LRRIQ1: variants seen among roughly 807,000 people sequenced by gnomAD.
LRRIQ1 encodes the protein leucine-rich repeat- and IQ domain-containing protein 1.
A neutral mutation model predicts 211.9 loss-of-function variants in LRRIQ1; 210 were observed. The observed-to-expected ratio is 0.99, with a 90% CI of 0.89 to 1.11. LRRIQ1 has a LOEUF of 1.11. LRRIQ1 is among the 50% of genes most tolerant of loss of function. The pLI is 0.00. For missense variants in LRRIQ1, 2,136 were observed against 1,939.5 expected, an observed-to-expected ratio of 1.10 and a Z score of -1.90; for synonymous variants, 699 against 650.1, an observed-to-expected ratio of 1.08 and a Z score of -1.14.
intron 19 of LRRIQ1, among the ~76,000 whole-genome samples, chr12:85,146,952 A>G (rs1229074232): frequency 2.0e-5 from 3 of 151,756 alleles, no homozygotes; most frequent in Non-Finnish European, 4.4e-5. Context: ...ATTTTTCCTA[A>G]TCATTGCCTA....
At chr12:85,135,286 A>T in intron 18 of LRRIQ1, among the ~76,000 whole-genome samples, 1 of 151,782 alleles carries the variant, frequency 6.6e-6, no homozygotes, top group African/African-American at 2.4e-5. Context: ...GTAAATTGAT[A>T]CTAAGATCTA....
At chr12:85,183,096 A>G (rs1218954874) in intron 24 of LRRIQ1, among the ~76,000 whole-genome samples, 3 of 152,172 alleles carry the variant, frequency 2.0e-5, no homozygotes, top group Admixed American at 1.3e-4. Flanking sequence ...TAATTTTCCA[A>G]CCTTCTGTCC....
At chr12:85,142,516 G>A (rs1889612009) in intron 19 of LRRIQ1, among the ~76,000 whole-genome samples, 1 of 151,434 alleles carries the variant, frequency 6.6e-6, no homozygotes, top group Admixed American at 6.6e-5. Flanking sequence ...ACAATCTGTT[G>A]TTAGCTATAG....
chr12:85,232,726 T>G lies in LRRIQ1; in HGVS notation c.4986T>G (p.Asp1662Glu). Residue 1662 changes from aspartate to glutamate, a missense_variant, in exon 26 of 27, where the codon GAT becomes GAG. Asp to Glu is a conservative substitution (Grantham distance 45). Transcript: ENST00000393217. Reference sequence around the variant, plus strand: ...ACTTTTTGCCTGAGTTAGATCCAGATGTACTTAATGGTGGAAGAGTTCAGC... The same window carrying G: ...ACTTTTTGCCTGAGTTAGATCCAGAGGTACTTAATGGTGGAAGAGTTCAGC... ...CNHFLPELDPDVLNGGRVQLV... is the reference protein window; with the variant it reads ...CNHFLPELDPEVLNGGRVQLV... The G allele has an allele frequency of 5.0e-6, 8 of 1,612,920 alleles. No homozygotes were observed. Among genetic ancestry groups the G allele is most frequent in the Non-Finnish European group, 6.8e-6 (8 of 1,179,310 alleles).
At chr12:85,165,477 T>C (rs915719283) in intron 24 of LRRIQ1, among the ~76,000 whole-genome samples, 19 of 145,964 alleles carry the variant, frequency 1.3e-4, no homozygotes. Flanking sequence ...CTTTTTTTTT[T>C]TTTTTTTTTT....
At chr12:85,237,638 A>G (rs1168989218) in intron 26 of LRRIQ1, among the ~76,000 whole-genome samples, 2 of 152,126 alleles carry the variant, frequency 1.3e-5, no homozygotes, top group African/African-American at 4.8e-5. Flanking sequence ...AGAACGTCCC[A>G]GACATTTAGT....
chr12:85,257,536 T>C (rs1175200163), intron 1 of LRRIQ1, among the ~76,000 whole-genome samples: 1 of 151,618 alleles, frequency 6.6e-6, no homozygotes, highest in East Asian at 1.9e-4. Context: ...TCTTAACTGC[T>C]TATTGGATTA....
chr12:85,125,422 G>A (rs1270549050), intron 17 of LRRIQ1, among the ~76,000 whole-genome samples: 7 of 152,072 alleles, frequency 4.6e-5, no homozygotes, highest in African/African-American at 1.7e-4. Flanking sequence ...GCAAGGATTA[G>A]GTTTTACTTT....
chr12:85,263,639 A>G (rs754901152), exon 2 of LRRIQ1: 1 of 151,976 alleles, frequency 6.6e-6, no homozygotes, highest in Non-Finnish European at 1.5e-5. Context: ...AGTAATTACC[A>G]ATTGGATAAT....
At chr12:85,092,465 CG>C (rs1565825129) in intron 11 of LRRIQ1, among the ~76,000 whole-genome samples, 1 of 152,056 alleles carries the variant, frequency 6.6e-6, no homozygotes, top group Non-Finnish European at 1.5e-5. Context: ...CAAACATCAC[CG>C]GAGAGTTTAT....
At chr12:85,065,602 T>C (rs1882347605) in intron 9 of LRRIQ1, among the ~76,000 whole-genome samples, 188 bp downstream of exon 9, 1 of 151,822 alleles carries the variant, frequency 6.6e-6, no homozygotes, top group African/African-American at 2.4e-5. Context: ...TGATACAACC[T>C]AAAATGACCT....
chr12:85,129,457 G>A (rs1888605575), intron 18 of LRRIQ1, among the ~76,000 whole-genome samples: 1 of 152,170 alleles, frequency 6.6e-6, no homozygotes, highest in South Asian at 2.1e-4. Flanking sequence ...GGAATATGCA[G>A]TTCATAAATA....
At chr12:85,156,775 T>C (rs1287377487) in intron 23 of LRRIQ1, among the ~76,000 whole-genome samples, 3 of 150,832 alleles carry the variant, frequency 2.0e-5, no homozygotes, top group East Asian at 3.9e-4. Context: ...AGCAACATCG[T>C]CTATAAAACT....
intron 13 of LRRIQ1, among the ~76,000 whole-genome samples, chr12:85,101,217 G>A (rs1592797291): frequency 6.6e-6 from 1 of 151,748 alleles, no homozygotes; most frequent in South Asian, 2.1e-4. Flanking sequence ...GATATTATGT[G>A]TCCATATGCT....
chr12:85,108,530 G>A (rs1254189357), intron 15 of LRRIQ1, among the ~76,000 whole-genome samples: 1 of 151,952 alleles, frequency 6.6e-6, no homozygotes, highest in Non-Finnish European at 1.5e-5. Flanking sequence ...GAATTTAGAT[G>A]GCTTTTTCTT....
At chr12:85,233,547 A>G (rs1031119663) in intron 26 of LRRIQ1, among the ~76,000 whole-genome samples, 1 of 152,200 alleles carries the variant, frequency 6.6e-6, no homozygotes, top group African/African-American at 2.4e-5. Context: ...AGAATTTTAT[A>G]TTAAAAGATC....
intron 24 of LRRIQ1, among the ~76,000 whole-genome samples, chr12:85,173,637 A>G (rs1482892255): frequency 6.6e-6 from 1 of 151,936 alleles, no homozygotes; most frequent in East Asian, 1.9e-4. Context: ...ACACACACGC[A>G]CACACACATA....
rs554423380 is a variant in LRRIQ1 at position 85,175,747 on chromosome 12, A to G, written c.4822+15033A>G. Among the ~76,000 whole-genome samples, 135 of 152,250 alleles carry G rather than the reference A, an allele frequency of 8.9e-4. 1 individual carries two copies. Among genetic ancestry groups the G allele is most frequent in the Non-Finnish European group, 7.8e-4 (53 of 68,016 alleles). On this transcript the variant is annotated intron_variant, in intron 24 of 26. Transcript: ENST00000393217. The stretch of plus-strand genomic sequence containing the variant: ...ATGGCTAGCCAGTTTTCCCAGCACC[A>G]TTTATTAAATAGGGAATCCTTTCCC...
chr12:85,065,533 C>G, intron 9 of LRRIQ1, 119 bp downstream of exon 9: 1 of 753,990 alleles, frequency 1.3e-6, no homozygotes, highest in African/African-American at 1.8e-5. Flanking sequence ...TAACTCAGAG[C>G]CTGAAGAGAT....
Sources: gnomAD v4.1 joint callset for allele counts (sites outside exome capture counted in the v4.1 genomes callset) on GRCh38, gnomAD v4.1.1 for gene constraint, MANE v1.5 for transcripts, NCBI Gene and HGNC (gene_info 2026-07-23, HGNC 2026-07-21) for gene names.